The following SUPT3H variants were observed in gnomAD, a reference collection of about 807,000 sequenced individuals.
SUPT3H encodes the protein transcription initiation protein SPT3 homolog.
A neutral mutation model predicts 44.3 loss-of-function variants in SUPT3H; 44 were observed. That is an observed-to-expected ratio of 0.99 (90% CI 0.78 to 1.28). SUPT3H has a LOEUF of 1.28. Among genes scored for constraint, SUPT3H ranks in the 50% most tolerant of loss-of-function variants. The pLI is 0.00. For synonymous variants in SUPT3H, 124 were observed against 125.6 expected, an observed-to-expected ratio of 0.99 and a Z score of 0.09; for missense variants, 380 against 387.1, an observed-to-expected ratio of 0.98 and a Z score of 0.15.
At chr6:44,869,677 T>G (rs1344253733) in intron 10 of SUPT3H, among the ~76,000 whole-genome samples, 1 of 152,196 alleles carries the variant, frequency 6.6e-6, no homozygotes, top group Non-Finnish European at 1.5e-5. Context: ...CCGAATCCCT[T>G]GCTCTAAGAC....
chr6:45,123,377 T>TC (rs1424348785), intron 2 of SUPT3H, among the ~76,000 whole-genome samples: 12 of 151,044 alleles, frequency 7.9e-5, no homozygotes, highest in Non-Finnish European at 1.2e-4. Flanking sequence ...TTTATTTCTT[T>TC]TTTTTTTTTT....
chr6:45,107,459 C>A (rs1583576042), intron 2 of SUPT3H, among the ~76,000 whole-genome samples: 1 of 152,078 alleles, frequency 6.6e-6, no homozygotes, highest in South Asian at 2.1e-4. Context: ...TAGGAAAATA[C>A]CCATTCCAGA....
At chr6:44,939,451 A>T (rs950048939) in intron 9 of SUPT3H, among the ~76,000 whole-genome samples, 1 of 151,958 alleles carries the variant, frequency 6.6e-6, no homozygotes, top group Non-Finnish European at 1.5e-5. Flanking sequence ...ATATGCTAGT[A>T]GATTTGGTTT....
intron 2 of SUPT3H, among the ~76,000 whole-genome samples, chr6:45,229,443 A>G (rs546039140): frequency 6.6e-6 from 1 of 152,202 alleles, no homozygotes; most frequent in Non-Finnish European, 1.5e-5. Context: ...GTATTCTACT[A>G]TAGCAAAATA....
At chr6:45,299,042 T>C (rs1179750603) in intron 2 of SUPT3H, among the ~76,000 whole-genome samples, 1 of 152,172 alleles carries the variant, frequency 6.6e-6, no homozygotes, top group Non-Finnish European at 1.5e-5. Context: ...TAAATTAAAA[T>C]GTTTTGTAGA....
At chr6:44,966,716 A>G (rs1776829416) in intron 6 of SUPT3H, among the ~76,000 whole-genome samples, 1 of 152,226 alleles carries the variant, frequency 6.6e-6, no homozygotes, top group African/African-American at 2.4e-5. Flanking sequence ...ATTACAATGC[A>G]AACTTAATTT....
intron 11 of SUPT3H, among the ~76,000 whole-genome samples, chr6:44,814,580 T>TA (rs1490828204): frequency 1.3e-5 from 2 of 152,226 alleles, no homozygotes; most frequent in African/African-American, 4.8e-5. Flanking sequence ...TAAACTCATC[T>TA]ACTCACCAAG....
intron 10 of SUPT3H, among the ~76,000 whole-genome samples, chr6:44,870,722 T>C (rs533719332): frequency 4.0e-5 from 6 of 151,320 alleles, no homozygotes; most frequent in Admixed American, 2.6e-4. Context: ...ATTTCTGCAT[T>C]TCCATCTGAG....
intron 2 of SUPT3H, among the ~76,000 whole-genome samples, chr6:45,178,562 G>C (rs71389190): frequency 6.6e-6 from 1 of 151,814 alleles, no homozygotes; most frequent in Non-Finnish European, 1.5e-5. Context: ...GCACCAAGCG[G>C]ACCTAATAGA....
At chr6:45,302,761 C>T (rs1418562236) in intron 2 of SUPT3H, among the ~76,000 whole-genome samples, 1 of 151,910 alleles carries the variant, frequency 6.6e-6, no homozygotes, top group African/African-American at 2.4e-5. Flanking sequence ...AAGGAATCTC[C>T]ACACTGTTTT....
chr6:45,061,006 A>G (rs1331355616), intron 3 of SUPT3H, among the ~76,000 whole-genome samples: 1 of 152,166 alleles, frequency 6.6e-6, no homozygotes, highest in Admixed American at 6.5e-5. Flanking sequence ...TGGGGATGTA[A>G]ATTAGTTTGA....
At chr6:45,056,244 T>A (rs774431297) in intron 3 of SUPT3H, among the ~76,000 whole-genome samples, 1 of 152,170 alleles carries the variant, frequency 6.6e-6, no homozygotes, top group South Asian at 2.1e-4. Flanking sequence ...GAATGTAAAC[T>A]GTACAACCAC....
chr6:44,839,245 C>T (rs1304807759), intron 10 of SUPT3H, among the ~76,000 whole-genome samples: 1 of 152,178 alleles, frequency 6.6e-6, no homozygotes, highest in African/African-American at 2.4e-5. Flanking sequence ...CAACTGCCTA[C>T]TGGTTACATT....
At chr6:45,365,958 A>T (rs980374113) in intron 1 of SUPT3H, among the ~76,000 whole-genome samples, 1 of 152,122 alleles carries the variant, frequency 6.6e-6, no homozygotes, top group African/African-American at 2.4e-5. Context: ...AATTAAGGTG[A>T]TGCATAATGA....
At chr6:45,059,317 A>G (rs1791605843) in intron 3 of SUPT3H, among the ~76,000 whole-genome samples, 2 of 152,212 alleles carry the variant, frequency 1.3e-5, no homozygotes, top group South Asian at 4.1e-4. Flanking sequence ...CATCACATAA[A>G]CAGAACTAAA....
At chr6:44,880,993 T>A (rs146396413) in intron 10 of SUPT3H, among the ~76,000 whole-genome samples, 10 of 151,608 alleles carry the variant, frequency 6.6e-5, no homozygotes, top group African/African-American at 2.4e-4. Flanking sequence ...AAGACCATCA[T>A]CAACTAATGG....
intron 3 of SUPT3H, among the ~76,000 whole-genome samples, chr6:45,068,703 T>C (rs1389789258): frequency 6.6e-6 from 1 of 152,156 alleles, no homozygotes; most frequent in Non-Finnish European, 1.5e-5. Context: ...ACTTTGTTAC[T>C]GTCACTGTGT....
chr6:44,975,577 G>A (rs1258987679), intron 6 of SUPT3H, among the ~76,000 whole-genome samples: 1 of 151,704 alleles, frequency 6.6e-6, no homozygotes, highest in Non-Finnish European at 1.5e-5. Flanking sequence ...TGGAGACTTG[G>A]TGGGAAGGGT....
In SUPT3H at chr6:44,829,809, T is replaced by A; in HGVS notation, c.*7A>T. ...CCTGTTGTTGCAGGCACATCACAGTTGTCACATCAGCAGGCTAGAAAAGCC... is the reference window on the plus strand; with the variant it reads ...CCTGTTGTTGCAGGCACATCACAGTAGTCACATCAGCAGGCTAGAAAAGCC... On this transcript the variant is annotated 3_prime_UTR_variant, in exon 11 of 11. Transcript: ENST00000371459. 1 of 1,612,984 alleles carries A rather than the reference T, an allele frequency of 6.2e-7. No homozygotes were observed. The highest frequency in any genetic ancestry group is 8.5e-7 in the Non-Finnish European group (1 of 1,179,142).
Sources: allele counts gnomAD v4.1 joint callset (sites outside exome capture counted in the v4.1 genomes callset), GRCh38; gene constraint gnomAD v4.1.1; transcripts MANE v1.5; gene names NCBI Gene and HGNC (gene_info 2026-07-23, HGNC 2026-07-21).